The following DNAJC1 variants were observed in gnomAD, a reference collection of about 807,000 sequenced individuals.
DNAJC1 encodes DnaJ heat shock protein family (Hsp40) member C1, also known as dnaJ homolog subfamily C member 1.
In DNAJC1, 58 loss-of-function variants were observed where a neutral mutation model predicts 76.6. The ratio of observed to expected loss-of-function variants is 0.76; its 90% confidence interval spans 0.61 to 0.94. DNAJC1 has a LOEUF of 0.94. Ranked by LOEUF, DNAJC1 falls within the 40% of genes least tolerant of loss-of-function variation. The pLI is 0.00. For missense variants in DNAJC1, 689 were observed against 677.3 expected (o/e 1.02, Z -0.19); for synonymous variants, 258 against 267.9 (o/e 0.96, Z 0.36).
Position 22,003,213 on chromosome 10 carries a change from C to A in DNAJC1, c.222G>T (p.Gln74His). The A allele has an allele frequency of 6.4e-7, 1 of 1,551,982 alleles. No individual in the cohort carries two copies. Among genetic ancestry groups the A allele is most frequent in the Non-Finnish European group, 8.7e-7 (1 of 1,150,252 alleles). Residue 74 changes from glutamine to histidine, a missense_variant and splice_region_variant, in exon 1 of 12, where the codon CAG becomes CAT. Coordinates refer to ENST00000376980, the MANE Select transcript of DNAJC1 (RefSeq NM_022365.4). ...CGGCCCCGCGCGCCTCCTTGCTTAC[C>A]TGCTGCACCCCGAGGAACTGGTAGA... ...LNFYQFLGVQ[Q>H]DASSADIRKA...
intron 3 of DNAJC1, among the ~76,000 whole-genome samples, chr10:21,924,032 A>G (rs1431721698): frequency 1.3e-5 from 2 of 152,062 alleles, no homozygotes; most frequent in African/African-American, 4.8e-5. Flanking sequence ...TTAAAACAAT[A>G]ATAACATAAT....
chr10:21,784,492 T>C (rs1039421901), intron 9 of DNAJC1, among the ~76,000 whole-genome samples: 10 of 152,194 alleles, frequency 6.6e-5, no homozygotes, highest in South Asian at 2.1e-4. Flanking sequence ...GTCAGTGTGG[T>C]GATTCCTCAA....
chr10:21,805,498 T>C (rs1461562229), intron 9 of DNAJC1, among the ~76,000 whole-genome samples: 1 of 151,196 alleles, frequency 6.6e-6, no homozygotes, highest in African/African-American at 2.4e-5. Flanking sequence ...TTAAACTACT[T>C]ATCAAACGAA....
At chr10:21,914,445 T>A (rs2131760187) in intron 6 of DNAJC1, among the ~76,000 whole-genome samples, 1 of 152,306 alleles carries the variant, frequency 6.6e-6, no homozygotes, top group East Asian at 1.9e-4. Flanking sequence ...GATTTCACAG[T>A]CCTTATGTAC....
intron 9 of DNAJC1, among the ~76,000 whole-genome samples, chr10:21,794,563 A>G (rs936887882): frequency 3.3e-5 from 5 of 152,140 alleles, no homozygotes; most frequent in African/African-American, 1.2e-4. Flanking sequence ...AACACAAAAA[A>G]TCAACTCAAA....
intron 3 of DNAJC1, among the ~76,000 whole-genome samples, chr10:21,922,132 T>A (rs536681661): frequency 3.1e-4 from 47 of 152,108 alleles, no homozygotes; most frequent in African/African-American, 1.0e-3. Context: ...CTCAAGTAAA[T>A]TGACCGATCT....
chr10:21,847,282 A>G (rs910384885), intron 8 of DNAJC1, among the ~76,000 whole-genome samples: 1 of 152,180 alleles, frequency 6.6e-6, no homozygotes, highest in Non-Finnish European at 1.5e-5. Context: ...ACTCCAAAAT[A>G]TCATTTACTT....
At chr10:21,962,041 C>T (rs1837802652) in intron 1 of DNAJC1, among the ~76,000 whole-genome samples, 1 of 152,190 alleles carries the variant, frequency 6.6e-6, no homozygotes, top group African/African-American at 2.4e-5. Flanking sequence ...ATTGCCCTCT[C>T]AGTGAGGAGT....
intron 8 of DNAJC1, among the ~76,000 whole-genome samples, chr10:21,841,274 G>C (rs1002853004): frequency 6.6e-6 from 1 of 152,288 alleles, no homozygotes; most frequent in South Asian, 2.1e-4. Flanking sequence ...AAACCTAAGA[G>C]CTTCTGCACA....
intron 9 of DNAJC1, among the ~76,000 whole-genome samples, chr10:21,805,248 A>G (rs1252595207): frequency 1.3e-5 from 2 of 152,086 alleles, no homozygotes; most frequent in African/African-American, 4.8e-5. Flanking sequence ...GAAAATATCA[A>G]TTTGATAAAA....
At chr10:21,826,203 A>G (rs1444483518) in intron 8 of DNAJC1, among the ~76,000 whole-genome samples, 1 of 140,368 alleles carries the variant, frequency 7.1e-6, no homozygotes, top group African/African-American at 2.8e-5. Context: ...GTGCCATTGC[A>G]CTCCAGCCTG....
chr10:21,765,528 A>C (rs1309387997), intron 10 of DNAJC1, among the ~76,000 whole-genome samples: 1 of 152,162 alleles, frequency 6.6e-6, no homozygotes, highest in Non-Finnish European at 1.5e-5. Flanking sequence ...AATTCCAGTT[A>C]ATCTTGGAGG....
intron 1 of DNAJC1, among the ~76,000 whole-genome samples, chr10:21,965,110 A>G (rs1837869891): frequency 6.6e-6 from 1 of 152,058 alleles, no homozygotes. Flanking sequence ...CCATAACTCC[A>G]ATTAGATATA....
chr10:21,850,601 T>C (rs1222876140), intron 8 of DNAJC1, among the ~76,000 whole-genome samples: 2 of 151,836 alleles, frequency 1.3e-5, no homozygotes, highest in South Asian at 2.1e-4. Flanking sequence ...GTGACTACTA[T>C]GCACATCTAT....
At chr10:21,861,911 T>TA (rs1554892123) in intron 8 of DNAJC1, among the ~76,000 whole-genome samples, 26 of 151,892 alleles carry the variant, frequency 1.7e-4, no homozygotes, top group Non-Finnish European at 3.5e-4. Flanking sequence ...TTTCTTTATT[T>TA]TTTATTTATT....
At chr10:21,777,091 G>A (rs1834461955) in intron 9 of DNAJC1, among the ~76,000 whole-genome samples, 1 of 152,182 alleles carries the variant, frequency 6.6e-6, no homozygotes, top group African/African-American at 2.4e-5. Flanking sequence ...TAGGCAGTAT[G>A]ATAACATCAC....
chr10:21,925,117 T>C (rs1837105757), intron 3 of DNAJC1, among the ~76,000 whole-genome samples: 1 of 151,982 alleles, frequency 6.6e-6, no homozygotes, highest in Non-Finnish European at 1.5e-5. Context: ...GCTCAAGCAA[T>C]CCTCCCATCT....
intron 8 of DNAJC1, among the ~76,000 whole-genome samples, chr10:21,834,110 A>C (rs1209208807): frequency 6.6e-6 from 1 of 152,004 alleles, no homozygotes; most frequent in Non-Finnish European, 1.5e-5. Context: ...TAAAAATACA[A>C]AAAATTAACC....
chr10:21,944,366 A>C (rs1356943008), intron 1 of DNAJC1, among the ~76,000 whole-genome samples: 3 of 152,222 alleles, frequency 2.0e-5, no homozygotes, highest in Non-Finnish European at 2.9e-5. Flanking sequence ...GACATGTAAT[A>C]TTCCATTCCA....
Sources: gnomAD v4.1 joint callset for allele counts (sites outside exome capture counted in the v4.1 genomes callset) on GRCh38, gnomAD v4.1.1 for gene constraint, MANE v1.5 for transcripts, NCBI Gene and HGNC (gene_info 2026-07-23, HGNC 2026-07-21) for gene names.